Variants in CAMSAP1 observed in about 807,000 individuals in gnomAD.
CAMSAP1 encodes calmodulin regulated spectrin associated protein 1, also known as calmodulin-regulated spectrin-associated protein 1.
A neutral mutation model predicts 143.5 loss-of-function variants in CAMSAP1; 58 were observed. The observed-to-expected ratio is 0.40, with a 90% CI of 0.33 to 0.50. The LOEUF is 0.50. CAMSAP1 is among the 20% of genes least tolerant of loss of function. The pLI is 0.45. For missense variants in CAMSAP1, 1,969 were observed against 2,115.7 expected, an observed-to-expected ratio of 0.93 and a Z score of 1.36; for synonymous variants, 945 against 859.3, an observed-to-expected ratio of 1.10 and a Z score of -1.74.
chr9:135,815,970 C>A lies in CAMSAP1; in HGVS notation c.4307G>T (p.Arg1436Leu). The change falls in exon 15 of 17, where the codon CGT becomes CTT. Residue 1436 changes from arginine (R) to leucine (L), a missense_variant. By Grantham distance (102) the Arg-to-Leu change is moderately radical. This residue lies in a region of CAMSAP1 where 1,390 missense variants were observed against 1,420.8 expected (regional missense o/e 0.98). Transcript: ENST00000389532. ...ESMEALPILS[R>L]NPSRSTDRDW... ...TCGGTCTGTGCTCCTGCTTGGGTTACGGCTCAGTATGGGCAGGGCTTCCAT... is the reference window on the plus strand; with the variant it reads ...TCGGTCTGTGCTCCTGCTTGGGTTAAGGCTCAGTATGGGCAGGGCTTCCAT... 1 of 1,613,766 alleles carries A rather than the reference C, an allele frequency of 6.2e-7. No individual in the cohort carries two copies.
intron 3 of CAMSAP1, among the ~76,000 whole-genome samples, chr9:135,872,360 T>G (rs544652224): frequency 6.6e-6 from 1 of 152,244 alleles, no homozygotes; most frequent in African/African-American, 2.4e-5. Context: ...GCAGGCAGCC[T>G]GTGACGGTCT....
At chr9:135,814,907 C>T (rs1242105148) in intron 16 of CAMSAP1, among the ~76,000 whole-genome samples, 190 bp downstream of exon 16, 1 of 152,262 alleles carries the variant, frequency 6.6e-6, no homozygotes, top group East Asian at 1.9e-4. Context: ...CCAGCACAGG[C>T]TCACTGCAGC....
chr9:135,885,796 G>A (rs899922074), intron 1 of CAMSAP1, among the ~76,000 whole-genome samples: 1 of 152,072 alleles, frequency 6.6e-6, no homozygotes, highest in African/African-American at 2.4e-5. Flanking sequence ...GGAAAATGAC[G>A]CACTTACTAA....
chr9:135,886,735 G>A (rs956216005), intron 1 of CAMSAP1, among the ~76,000 whole-genome samples: 22 of 152,238 alleles, frequency 1.4e-4, no homozygotes, highest in Non-Finnish European at 3.1e-4. Flanking sequence ...CAAGAGTGGA[G>A]AATGAGCGTG....
chr9:135,906,739 G>A (rs1838791674), intron 1 of CAMSAP1, among the ~76,000 whole-genome samples: 1 of 151,848 alleles, frequency 6.6e-6, no homozygotes, highest in African/African-American at 2.4e-5. Flanking sequence ...GAGGCTGGGG[G>A]CACTCCCGAA....
intron 1 of CAMSAP1, among the ~76,000 whole-genome samples, chr9:135,885,898 T>G (rs1305195983): frequency 6.6e-6 from 1 of 152,182 alleles, no homozygotes; most frequent in Non-Finnish European, 1.5e-5. Flanking sequence ...GACCCCCAAC[T>G]GGGTGACAGT....
rs542673463 is a variant in CAMSAP1, at chr9:135,838,016, A to G, written c.1046-10432T>C. Among the ~76,000 whole-genome samples the G allele has an allele frequency of 6.8e-3, 1,029 of 150,638 alleles. 19 individuals carry two copies. Among genetic ancestry groups the G allele is most frequent in the African/African-American group, 0.024 (976 of 40,596 alleles). ...TCTACCCCTTCTACAGACACACGTC[A>G]TCACGCACTTTCTACCCCCTGTACA... On this transcript the variant is annotated intron_variant, in intron 7 of 16. Transcript: ENST00000389532.
chr9:135,904,386 G>A (rs866887506), intron 1 of CAMSAP1, among the ~76,000 whole-genome samples: 9 of 133,734 alleles, frequency 6.7e-5, no homozygotes, highest in South Asian at 2.4e-4. Flanking sequence ...CCGACAGAGC[G>A]AGACCCTGTC....
intron 5 of CAMSAP1, among the ~76,000 whole-genome samples, chr9:135,850,982 A>G (rs929778209): frequency 1.3e-5 from 2 of 152,240 alleles, no homozygotes; most frequent in African/African-American, 2.4e-5. Flanking sequence ...GTCTCTTTCC[A>G]TGAAGAGGTG....
Position 135,840,668 on chromosome 9 carries a change from C to T in CAMSAP1, c.1045+9469G>A, listed in dbSNP as rs185195815. 1.1e-3 allele frequency among the ~76,000 whole-genome samples: 170 copies of T among 152,272 alleles called. 1 individual carries two copies. Among genetic ancestry groups the T allele is most frequent in the African/African-American group, 3.7e-3 (153 of 41,560 alleles). On this transcript the variant is annotated intron_variant, in intron 7 of 16. Transcript: ENST00000389532. ...ATTTCTACATTTCCTACTGAGGTAC[C>T]CAGCTCATTTCATTGGGGCTGATTA...
intron 14 of CAMSAP1, 42 bp from the exon 15 acceptor site, chr9:135,816,047 G>T: frequency 6.3e-7 from 1 of 1,579,942 alleles, no homozygotes; most frequent in Non-Finnish European, 8.7e-7. Context: ...GTGAAGCGCT[G>T]GCTTCCTCTC....
Position 135,815,225 on chromosome 9 carries a change from G to A in CAMSAP1, c.4388-10C>T, listed in dbSNP as rs769595733. The A allele has an allele frequency of 2.9e-5, 46 of 1,583,032 alleles. No individual in the cohort carries two copies. Among genetic ancestry groups the A allele is most frequent in the East Asian group, 4.5e-5 (2 of 44,682 alleles). ...TTAAAGAGCTTGGGACCTAAGAAAC[G>A]AGGCCAGGGTTGGTAAAATTATTAT... is the stretch of plus-strand genomic sequence containing the variant. On this transcript the variant is annotated splice_polypyrimidine_tract_variant and intron_variant, in intron 15 of 16. Coordinates refer to ENST00000389532, the MANE Select transcript of CAMSAP1 (RefSeq NM_015447.4).
chr9:135,889,314 A>G (rs2131002007), intron 1 of CAMSAP1, among the ~76,000 whole-genome samples: 1 of 152,314 alleles, frequency 6.6e-6, no homozygotes, highest in African/African-American at 2.4e-5. Flanking sequence ...CACGGCCTCC[A>G]AATACAATAT....
Position 135,815,884 on chromosome 9 carries a change from C to T in CAMSAP1, c.4387+6G>A, listed in dbSNP as rs371914527. The stretch of plus-strand genomic sequence containing the variant: ...GATGACCTCTAAGGAGGGCGAACGC[C>T]GTCACCTGTGTACTCGGCCACTGAG... On this transcript the variant is annotated splice_donor_region_variant and intron_variant, in intron 15 of 16. Transcript: ENST00000389532. 76 of 1,612,984 alleles carry T rather than the reference C, an allele frequency of 4.7e-5. No homozygotes were observed. The African/African-American group carries it at 8.5e-4, about 18-fold the overall frequency.
At chr9:135,866,386 A>C in intron 4 of CAMSAP1, 70 bp downstream of exon 4, 2 of 796,100 alleles carry the variant, frequency 2.5e-6, no homozygotes, top group South Asian at 1.5e-5. Context: ...AGTGGGAACT[A>C]ACAGAATTCT....
chr9:135,830,941 G>A (rs545001688), intron 7 of CAMSAP1, among the ~76,000 whole-genome samples: 74 of 151,806 alleles, frequency 4.9e-4, no homozygotes, highest in African/African-American at 1.8e-3. Context: ...GAGGCTGAGG[G>A]GGGCAGATCA....
intron 7 of CAMSAP1, among the ~76,000 whole-genome samples, chr9:135,831,346 G>C (rs1428283321): frequency 1.3e-5 from 2 of 151,822 alleles, no homozygotes; most frequent in Non-Finnish European, 1.5e-5. Flanking sequence ...TAACAAGGAA[G>C]TCTGGGGCCA....
At chr9:135,819,826 G>A (rs1467643424) in intron 11 of CAMSAP1, among the ~76,000 whole-genome samples, 2 of 151,152 alleles carry the variant, frequency 1.3e-5, no homozygotes, top group Admixed American at 6.6e-5. Context: ...CAGCCTGGGC[G>A]ACAGAGCCAG....
chr9:135,877,869 A>G (rs916201593), intron 3 of CAMSAP1, among the ~76,000 whole-genome samples: 3 of 152,292 alleles, frequency 2.0e-5, no homozygotes, highest in Middle Eastern at 3.4e-3. Flanking sequence ...ATCAATAAAA[A>G]ATAAAAAGAG....
Sources: allele counts gnomAD v4.1 joint callset (sites outside exome capture counted in the v4.1 genomes callset), GRCh38; gene constraint gnomAD v4.1.1; regional missense constraint gnomAD v4.1.1; transcripts MANE v1.5; gene names NCBI Gene and HGNC (gene_info 2026-07-23, HGNC 2026-07-21).